The following KANK1 variants were observed in gnomAD, a reference collection of about 807,000 sequenced individuals.
The protein encoded by KANK1 is KN motif and ankyrin repeat domain-containing protein 1.
A neutral mutation model predicts 106.2 loss-of-function variants in KANK1; 109 were observed. That is an observed-to-expected ratio of 1.03 (90% CI 0.88 to 1.20). KANK1 has a LOEUF of 1.20. KANK1 is among the 50% of genes most tolerant of loss of function. KANK1 has a pLI of 0.00. For synonymous variants in KANK1, 873 were observed against 652.2 expected (o/e 1.34, Z -5.16); for missense variants, 2,399 against 1,710.7 (o/e 1.40, Z -7.10).
At chr9:633,052 C>T (rs1026190914) in intron 1 of KANK1, among the ~76,000 whole-genome samples, 34 of 152,262 alleles carry the variant, frequency 2.2e-4, no homozygotes, top group African/African-American at 7.9e-4. Context: ...CCTCCCTCCA[C>T]ATCTTATGAG....
chr9:718,963 T>G, intron 3 of KANK1, among the ~76,000 whole-genome samples: 1 of 135,306 alleles, frequency 7.4e-6, no homozygotes, highest in African/African-American at 2.9e-5. Flanking sequence ...CTTTTTTTTT[T>G]TTTTTTTTTT....
chr9:687,959 A>AT (rs1818945763), intron 2 of KANK1, among the ~76,000 whole-genome samples: 2 of 152,156 alleles, frequency 1.3e-5, no homozygotes. Context: ...GAGTCAACAG[A>AT]TTCAATGTTC....
intron 1 of KANK1, among the ~76,000 whole-genome samples, chr9:583,604 AT>A (rs945145211): frequency 2.0e-5 from 3 of 151,772 alleles, no homozygotes; most frequent in Non-Finnish European, 4.4e-5. Context: ...GCTTCAGTTG[AT>A]TTTGTTCCTT....
Position 562,446 on chromosome 9 carries a change from C to G in KANK1, c.-84+57692C>G, listed in dbSNP as rs1816749367. On this transcript the variant is annotated intron_variant, in intron 1 of 11. Coordinates refer to ENST00000382297, the MANE Select transcript of KANK1 (RefSeq NM_015158.5). ...ACAAAAAGCTGCTCTAGATCATGTT[C>G]CCAGTAAAGAGCTCAAAGTGATTTT... 2.6e-5 allele frequency among the ~76,000 whole-genome samples: 4 copies of G among 152,296 alleles called. No individual in the cohort carries two copies. The South Asian group carries it at 6.2e-4, about 24-fold the overall frequency.
At chr9:599,833 A>G (rs1447297065) in intron 1 of KANK1, among the ~76,000 whole-genome samples, 2 of 151,880 alleles carry the variant, frequency 1.3e-5, no homozygotes, top group Non-Finnish European at 2.9e-5. Context: ...GCAGGCAGTC[A>G]TGGAACCAGT....
intron 1 of KANK1, among the ~76,000 whole-genome samples, 164 bp from the exon 2 acceptor site, chr9:676,726 A>T (rs1202631817): frequency 6.6e-6 from 1 of 152,184 alleles, no homozygotes; most frequent in Non-Finnish European, 1.5e-5. Flanking sequence ...TGTTATCTCC[A>T]TACTGCCAGG....
chr9:650,521 T>C (rs1250861317), intron 1 of KANK1, among the ~76,000 whole-genome samples: 1 of 152,198 alleles, frequency 6.6e-6, no homozygotes, highest in East Asian at 1.9e-4. Context: ...TAGAGCATGC[T>C]GGTGCTGCTG....
At chr9:504,476 G>T (rs1330889987), upstream of KANK1, among the ~76,000 whole-genome samples, 1 of 151,432 alleles carries the variant, frequency 6.6e-6, no homozygotes, top group Admixed American at 6.6e-5. Context: ...GGGGAGCCGG[G>T]CGTCCTCTGG....
intron 1 of KANK1, among the ~76,000 whole-genome samples, chr9:515,338 C>G (rs1045106453): frequency 3.4e-5 from 5 of 148,722 alleles, no homozygotes; most frequent in African/African-American, 1.3e-4. Context: ...GAGCAAGACT[C>G]CTTCTCAAAA....
intron 11 of KANK1, chr9:744,917 C>T: frequency 7.0e-7 from 1 of 1,421,444 alleles, no homozygotes; most frequent in Non-Finnish European, 9.2e-7. Context: ...GTTCCTGAAG[C>T]AGATGGCAGG....
intron 9 of KANK1, among the ~76,000 whole-genome samples, chr9:741,167 G>T (rs896601597): frequency 6.6e-6 from 1 of 152,168 alleles, no homozygotes; most frequent in East Asian, 1.9e-4. Context: ...CTTGCCTTTT[G>T]TCCATTTGCA....
intron 3 of KANK1, among the ~76,000 whole-genome samples, chr9:715,559 C>T (rs554954998): frequency 1.2e-4 from 18 of 152,308 alleles, no homozygotes; most frequent in Admixed American, 9.8e-4. Context: ...GTTTTTTGGT[C>T]TATTTCCAGT....
intron 1 of KANK1, among the ~76,000 whole-genome samples, chr9:635,677 C>T (rs7047127): frequency 0.23 from 34,250 of 149,028 alleles, 4,054 homozygotes; most frequent in East Asian, 0.33. Context: ...ATCCATTTAC[C>T]CACATTCCTT....
At chr9:582,223 G>C (rs1822344925) in intron 1 of KANK1, among the ~76,000 whole-genome samples, 1 of 152,138 alleles carries the variant, frequency 6.6e-6, no homozygotes, top group African/African-American at 2.4e-5. Context: ...GTTTGTGGGA[G>C]GAGGGGAGTA....
chr9:693,295 G>A (rs1161783269), intron 2 of KANK1: 1 of 731,462 alleles, frequency 1.4e-6, no homozygotes, highest in African/African-American at 1.9e-5. Context: ...TCCTTCACAA[G>A]CCAGCTGCTG....
chr9:700,459 G>A (rs986245978), intron 2 of KANK1, among the ~76,000 whole-genome samples: 2 of 152,200 alleles, frequency 1.3e-5, no homozygotes, highest in Admixed American at 6.5e-5. Flanking sequence ...TCCTGGAAAA[G>A]TTGATGTGCT....
chr9:622,676 G>A (rs192593629), intron 1 of KANK1, among the ~76,000 whole-genome samples: 2 of 152,228 alleles, frequency 1.3e-5, no homozygotes, highest in East Asian at 3.9e-4. Context: ...GGCTGAGGCT[G>A]GCGGATCACA....
At chr9:529,651 A>T (rs373375836) in intron 1 of KANK1, among the ~76,000 whole-genome samples, 112 of 152,230 alleles carry the variant, frequency 7.4e-4, no homozygotes, top group African/African-American at 2.6e-3. Flanking sequence ...GTTTCTTTTT[A>T]AAATCATTTT....
chr9:550,155 T>G (rs1416754976), intron 1 of KANK1, among the ~76,000 whole-genome samples: 1 of 151,678 alleles, frequency 6.6e-6, no homozygotes, highest in African/African-American at 2.4e-5. Context: ...ACATTGCAGG[T>G]GGGATAAATA....
Sources: gnomAD v4.1 joint callset for allele counts (sites outside exome capture counted in the v4.1 genomes callset) on GRCh38, gnomAD v4.1.1 for gene constraint, MANE v1.5 for transcripts, NCBI Gene and HGNC (gene_info 2026-07-23, HGNC 2026-07-21) for gene names.